GABRB1: variants seen among roughly 807,000 people sequenced by gnomAD.
The protein encoded by GABRB1 is gamma-aminobutyric acid receptor subunit beta-1.
GABRB1 carries 17 observed loss-of-function variants against 51.6 expected under a neutral mutation model. The observed-to-expected ratio is 0.33, with a 90% confidence interval of 0.23 to 0.49. The LOEUF is 0.49. Ranked by LOEUF, GABRB1 falls within the 20% of genes least tolerant of loss-of-function variation. GABRB1 has a pLI of 0.99. For missense variants in GABRB1, 410 were observed against 600.6 expected (o/e 0.68, Z 3.32); for synonymous variants, 247 against 218.9 (o/e 1.13, Z -1.14).
chr4:47,105,793 T>A (rs1351271791), intron 3 of GABRB1, among the ~76,000 whole-genome samples: 1 of 152,094 alleles, frequency 6.6e-6, no homozygotes, highest in East Asian at 1.9e-4. Flanking sequence ...CTGCCCCCAA[T>A]ATTCCTCATA....
chr4:47,002,814 T>G (rs1309109275), intron 1 of GABRB1, among the ~76,000 whole-genome samples: 1 of 152,204 alleles, frequency 6.6e-6, no homozygotes, highest in Non-Finnish European at 1.5e-5. Context: ...TACCATCTGG[T>G]GGCTACTGCA....
intron 5 of GABRB1, among the ~76,000 whole-genome samples, chr4:47,323,081 CT>C (rs565786490): frequency 6.6e-6 from 1 of 152,194 alleles, no homozygotes; most frequent in African/African-American, 2.4e-5. Flanking sequence ...AAAGACTGGT[CT>C]GTATTTCCTA....
chr4:47,399,910 A>G (rs986665630), intron 5 of GABRB1, among the ~76,000 whole-genome samples: 2 of 152,182 alleles, frequency 1.3e-5, no homozygotes, highest in Non-Finnish European at 2.9e-5. Context: ...TTTAGGAATG[A>G]TACTGGCATG....
At position 47,068,476 on chromosome 4, in the gene GABRB1, G is replaced by A. The variant is rs1355594762; in HGVS notation, c.240+35992G>A. Among the ~76,000 whole-genome samples, 4 of 152,188 alleles carry A rather than the reference G, an allele frequency of 2.6e-5. No homozygotes were observed. In the South Asian group the frequency reaches 6.2e-4, roughly 24 times the overall value. On this transcript the variant is annotated intron_variant, in intron 3 of 8. Transcript: ENST00000295454. ...TTCTAACTTTTGATTGAAAGTGAGA[G>A]ACATTCAACTCTTTCTTTTACTTGA...
intron 4 of GABRB1, among the ~76,000 whole-genome samples, chr4:47,301,118 G>A (rs1724242466): frequency 6.6e-6 from 1 of 152,034 alleles, no homozygotes; most frequent in African/African-American, 2.4e-5. Flanking sequence ...GAGAAATTCA[G>A]TCAGCAAACT....
At chr4:47,085,960 T>C (rs13112698) in intron 3 of GABRB1, among the ~76,000 whole-genome samples, 12,609 of 152,190 alleles carry the variant, frequency 0.083, 569 homozygotes, top group South Asian at 0.17. Flanking sequence ...CTTGCGAAGG[T>C]GAAGAAATAG....
intron 3 of GABRB1, among the ~76,000 whole-genome samples, chr4:47,149,505 TTTAAA>T (rs1325933402): frequency 2.0e-5 from 3 of 152,034 alleles, no homozygotes; most frequent in Non-Finnish European, 2.9e-5. Flanking sequence ...GCAATGAGTC[TTTAAA>T]TTAGATTCCA....
In GABRB1 at chr4:47,014,423, G is replaced by A. The variant is rs370322667; in HGVS notation, c.-19-17491G>A. On this transcript the variant is annotated intron_variant, in intron 1 of 3. Transcript: ENST00000513567. ...TTGTCATGTTTGTATTATAGGATAAGCACTATTGACATCTTCTTTTATGTT... is the reference window on the plus strand; with the variant it reads ...TTGTCATGTTTGTATTATAGGATAAACACTATTGACATCTTCTTTTATGTT... Among the ~76,000 whole-genome samples, 11 of 152,200 alleles carry A rather than the reference G, an allele frequency of 7.2e-5. No homozygotes were observed. In the South Asian group the frequency reaches 1.0e-3, roughly 14 times the overall value.
In GABRB1 at chr4:47,246,814, A is replaced by G. The variant is rs531103277; in HGVS notation, c.462-73313A>G. Among the ~76,000 whole-genome samples the G allele has an allele frequency of 2.6e-5, 4 of 152,074 alleles. No individual in the cohort carries two copies. The East Asian group carries it at 5.8e-4, about 22-fold the overall frequency. ...GCATTTTTTCATATGTTTGTTGGCC[A>G]TTAGTATATCATCTTTGGGAATTGT... On this transcript the variant is annotated intron_variant, in intron 4 of 8. Transcript: ENST00000295454.
At chr4:47,002,922 T>C (rs965727860) in intron 1 of GABRB1, among the ~76,000 whole-genome samples, 1 of 152,148 alleles carries the variant, frequency 6.6e-6, no homozygotes, top group Non-Finnish European at 1.5e-5. Flanking sequence ...ATATTGAAAA[T>C]GCATGAAGAT....
At chr4:47,173,704 C>T (rs571533186) in intron 4 of GABRB1, among the ~76,000 whole-genome samples, 24 of 152,116 alleles carry the variant, frequency 1.6e-4, no homozygotes, top group Non-Finnish European at 3.1e-4. Flanking sequence ...ACTCATGCTT[C>T]GTTTATTTGA....
intron 3 of GABRB1, among the ~76,000 whole-genome samples, chr4:47,103,417 A>G (rs1047312830): frequency 1.5e-4 from 23 of 152,110 alleles, no homozygotes; most frequent in Admixed American, 1.4e-3. Context: ...ATTATAACCC[A>G]TGTTATTTTA....
At chr4:47,053,410 T>C (rs1216428794) in intron 3 of GABRB1, among the ~76,000 whole-genome samples, 1 of 152,158 alleles carries the variant, frequency 6.6e-6, no homozygotes, top group Non-Finnish European at 1.5e-5. Context: ...GGCAAAAAGA[T>C]TCAGGGACCC....
At chr4:47,277,302 C>T (rs983655122) in intron 4 of GABRB1, among the ~76,000 whole-genome samples, 11 of 151,802 alleles carry the variant, frequency 7.2e-5, no homozygotes, top group African/African-American at 2.7e-4. Flanking sequence ...TTTGTGGAAT[C>T]ATAAATCAAA....
chr4:47,249,631 A>G (rs1246696123), intron 4 of GABRB1, among the ~76,000 whole-genome samples: 4 of 152,136 alleles, frequency 2.6e-5, no homozygotes, highest in African/African-American at 9.7e-5. Flanking sequence ...ATATATGTTT[A>G]GGATTGTGAT....
intron 4 of GABRB1, among the ~76,000 whole-genome samples, chr4:47,278,339 A>C (rs1723158463): frequency 6.6e-6 from 1 of 152,208 alleles, no homozygotes; most frequent in Non-Finnish European, 1.5e-5. Flanking sequence ...GGTATTGACC[A>C]AACACAGAAA....
At chr4:47,087,986 G>T (rs1351740782) in intron 3 of GABRB1, among the ~76,000 whole-genome samples, 2 of 152,104 alleles carry the variant, frequency 1.3e-5, no homozygotes. Flanking sequence ...ATGCAAAATG[G>T]CAATTTCTAC....
At chr4:47,263,701 T>C (rs1722538669) in intron 4 of GABRB1, among the ~76,000 whole-genome samples, 1 of 152,050 alleles carries the variant, frequency 6.6e-6, no homozygotes, top group East Asian at 1.9e-4. Flanking sequence ...GGAGGGAATA[T>C]CAATAAATAC....
intron 4 of GABRB1, among the ~76,000 whole-genome samples, chr4:47,213,227 A>G (rs1185320891): frequency 1.3e-5 from 2 of 152,084 alleles, no homozygotes; most frequent in Non-Finnish European, 2.9e-5. Context: ...TTATATGCTT[A>G]TCTCCTCATT....
Sources: allele counts gnomAD v4.1 joint callset (sites outside exome capture counted in the v4.1 genomes callset), GRCh38; gene constraint gnomAD v4.1.1; transcripts MANE v1.5; gene names NCBI Gene and HGNC (gene_info 2026-07-23, HGNC 2026-07-21).